CSPP1: variants seen among roughly 807,000 people sequenced by gnomAD.
CSPP1 encodes centrosome and spindle pole associated protein 1.
A neutral mutation model predicts 164.4 loss-of-function variants in CSPP1; 126 were observed. The ratio of observed to expected loss-of-function variants is 0.77; its 90% CI spans 0.66 to 0.89. CSPP1 has a LOEUF of 0.89. CSPP1 is among the 40% of genes least tolerant of loss of function. The pLI is 0.00. For missense variants in CSPP1, 1,395 were observed against 1,449.8 expected, an observed-to-expected ratio of 0.96 and a Z score of 0.61; for synonymous variants, 472 against 476.7, an observed-to-expected ratio of 0.99 and a Z score of 0.13.
chr8:67,169,122 C>G (rs925402359), intron 24 of CSPP1, among the ~76,000 whole-genome samples: 2 of 152,162 alleles, frequency 1.3e-5, no homozygotes, highest in African/African-American at 4.8e-5. Flanking sequence ...TGGGAGGAGT[C>G]TGACTAAGCC....
intron 1 of CSPP1, among the ~76,000 whole-genome samples, chr8:67,071,375 T>C (rs796972009): frequency 7.6e-6 from 1 of 131,948 alleles, no homozygotes; most frequent in African/African-American, 3.4e-5. Context: ...ATTCCCTCTG[T>C]TTTTTTTTTT....
intron 3 of CSPP1, among the ~76,000 whole-genome samples, chr8:67,077,438 C>T (rs1338884344): frequency 1.3e-5 from 2 of 152,074 alleles, no homozygotes; most frequent in African/African-American, 4.8e-5. Flanking sequence ...CAGGTTCAGG[C>T]GATTCTCCTG....
intron 24 of CSPP1, among the ~76,000 whole-genome samples, chr8:67,165,043 G>A (rs1829047902): frequency 6.6e-6 from 1 of 152,188 alleles, no homozygotes; most frequent in Admixed American, 6.5e-5. Context: ...CAGCACTTTT[G>A]GGAGGCCAAG....
At chr8:67,111,886 T>G (rs1816919362) in intron 9 of CSPP1, 86 bp from the exon 10 acceptor site, 1 of 719,804 alleles carries the variant, frequency 1.4e-6, no homozygotes, top group African/African-American at 1.8e-5. Flanking sequence ...ATGATACAAT[T>G]AAGATGGAGT....
At chr8:67,147,951 C>T (rs1208461098) in intron 17 of CSPP1, among the ~76,000 whole-genome samples, 3 of 152,058 alleles carry the variant, frequency 2.0e-5, no homozygotes, top group East Asian at 3.9e-4. Context: ...GACAGTCTCA[C>T]TCTGTCACCC....
chr8:67,124,440 T>C (rs902626450), intron 15 of CSPP1, among the ~76,000 whole-genome samples: 2 of 152,198 alleles, frequency 1.3e-5, no homozygotes, highest in African/African-American at 2.4e-5. Flanking sequence ...CACACTATTA[T>C]ACATTTAAGT....
At chr8:67,191,760 T>C (rs946949985) in intron 29 of CSPP1, among the ~76,000 whole-genome samples, 2 of 152,238 alleles carry the variant, frequency 1.3e-5, no homozygotes, top group African/African-American at 4.8e-5. Context: ...TACTCTCGAA[T>C]ATATATACCT....
intron 4 of CSPP1, among the ~76,000 whole-genome samples, chr8:67,089,648 A>C (rs935064819): frequency 1.3e-5 from 2 of 151,880 alleles, no homozygotes; most frequent in Non-Finnish European, 2.9e-5. Flanking sequence ...GGAGGACAGG[A>C]ATCTTTATCT....
chr8:67,129,497 T>G (rs1175645186), intron 15 of CSPP1, among the ~76,000 whole-genome samples: 1 of 152,180 alleles, frequency 6.6e-6, no homozygotes, highest in Non-Finnish European at 1.5e-5. Flanking sequence ...ATACTGCAAT[T>G]CCATTCCTAA....
At chr8:67,154,779 G>A (rs1826365950) in intron 19 of CSPP1, among the ~76,000 whole-genome samples, 1 of 152,186 alleles carries the variant, frequency 6.6e-6, no homozygotes, top group Non-Finnish European at 1.5e-5. Flanking sequence ...GGGATTACAG[G>A]TGTAAGCCAC....
At chr8:67,068,732 T>C (rs887587605) in intron 1 of CSPP1, among the ~76,000 whole-genome samples, 1 of 152,254 alleles carries the variant, frequency 6.6e-6, no homozygotes, top group Admixed American at 6.5e-5. Flanking sequence ...GCATTCACAG[T>C]AACTTTGTGT....
At chr8:67,166,249 AC>A (rs572343740) in intron 24 of CSPP1, among the ~76,000 whole-genome samples, 5 of 152,116 alleles carry the variant, frequency 3.3e-5, no homozygotes, top group Non-Finnish European at 4.4e-5. Context: ...GTATTTAGAA[AC>A]CAGATAAGCT....
intron 19 of CSPP1, among the ~76,000 whole-genome samples, chr8:67,154,645 C>T (rs559956416): frequency 2.5e-4 from 38 of 152,186 alleles, no homozygotes; most frequent in Admixed American, 1.5e-3. Flanking sequence ...GGATTACAGG[C>T]GTGAGCCGCC....
chr8:67,145,471 T>C (rs1824338788), intron 17 of CSPP1, among the ~76,000 whole-genome samples: 1 of 152,054 alleles, frequency 6.6e-6, no homozygotes, highest in Non-Finnish European at 1.5e-5. Context: ...TACTATTTGC[T>C]TCCTTTAGTT....
In CSPP1 at chr8:67,103,042, A is replaced by G. The variant is rs374738280; in HGVS notation, c.929A>G (p.His310Arg). ...TAAGCTAATGTGTTTTTAAGGATGC[A>G]CAGGAACAAACGAGGGAATATGCCT... ...LSRVYTNDRM[H>R]RNKRGNMPPM... Residue 310 changes from histidine (H) to arginine (R), a missense_variant, in exon 8 of 31, where the codon CAC (histidine) becomes CGC (arginine). Physicochemically the swap from His to Arg is conservative, Grantham distance 29. Transcript: ENST00000678616. The G allele has an allele frequency of 1.5e-5, 24 of 1,600,148 alleles. No homozygotes were observed. Among genetic ancestry groups the G allele is most frequent in the South Asian group, 3.3e-5 (3 of 90,778 alleles).
chr8:67,180,882 T>TA (rs1256841830), intron 28 of CSPP1, among the ~76,000 whole-genome samples: 2 of 152,272 alleles, frequency 1.3e-5, no homozygotes, highest in East Asian at 1.9e-4. Flanking sequence ...AGTATACACT[T>TA]ACGATTATGT....
intron 4 of CSPP1, 53 bp from the exon 5 acceptor site, chr8:67,091,750 A>G (rs1811647744): frequency 3.5e-6 from 2 of 563,558 alleles, no homozygotes; most frequent in Non-Finnish European, 5.9e-6. Context: ...TTTATGCAAC[A>G]TATTTTATAA....
intron 2 of CSPP1, chr8:67,074,867 G>A (rs1340035387): frequency 2.8e-5 from 6 of 216,356 alleles, no homozygotes; most frequent in South Asian, 5.1e-5. Flanking sequence ...CACAACCTCC[G>A]CCTCCCAGGC....
chr8:67,137,341 A>G (rs1212954358), intron 16 of CSPP1, 115 bp from the exon 17 acceptor site: 2 of 832,416 alleles, frequency 2.4e-6, no homozygotes, highest in Non-Finnish European at 3.5e-6. Flanking sequence ...GGGAAAAAAA[A>G]AAAAGCAAAT....
Sources: allele counts gnomAD v4.1 joint callset (sites outside exome capture counted in the v4.1 genomes callset), GRCh38; gene constraint gnomAD v4.1.1; transcripts MANE v1.5; gene names NCBI Gene and HGNC (gene_info 2026-07-23, HGNC 2026-07-21).